The following ABTB2 variants were observed in gnomAD, a reference collection of about 807,000 sequenced individuals.
ABTB2 encodes ankyrin repeat and BTB domain containing 2, also known as ankyrin repeat and BTB/POZ domain-containing protein 2.
In ABTB2, 56 loss-of-function variants were observed where a neutral mutation model predicts 104.1. The ratio of observed to expected loss-of-function variants is 0.54; its 90% CI spans 0.43 to 0.67. The LOEUF (loss-of-function observed/expected upper bound fraction) is 0.67. Ranked by LOEUF, ABTB2 falls within the 30% of genes least tolerant of loss-of-function variation. The pLI, the probability that ABTB2 is intolerant of heterozygous loss-of-function variation, is 0.00. For missense variants in ABTB2, 1,279 were observed against 1,407.7 expected (o/e 0.91, Z 1.46); for synonymous variants, 606 against 608.2 (o/e 1.00, Z 0.05).
intron 1 of ABTB2, among the ~76,000 whole-genome samples, chr11:34,222,953 G>A (rs1160709657): frequency 6.6e-6 from 1 of 152,160 alleles, no homozygotes; most frequent in Non-Finnish European, 1.5e-5. Flanking sequence ...TCTTCTTGCT[G>A]CCCTGGGCAC....
chr11:34,163,040 T>G (rs553267903), intron 9 of ABTB2, among the ~76,000 whole-genome samples: 83 of 152,288 alleles, frequency 5.5e-4, no homozygotes, highest in Non-Finnish European at 7.1e-4. Context: ...ATCCCCGTAT[T>G]GCAGAGAAGC....
intron 1 of ABTB2, among the ~76,000 whole-genome samples, chr11:34,225,593 T>A (rs1853675198): frequency 6.7e-6 from 1 of 150,358 alleles, no homozygotes; most frequent in African/African-American, 2.4e-5. Context: ...CCGTCTCTAC[T>A]AAAAATACAA....
At chr11:34,222,260 G>A (rs1853634129) in intron 1 of ABTB2, among the ~76,000 whole-genome samples, 1 of 152,188 alleles carries the variant, frequency 6.6e-6, no homozygotes, top group Non-Finnish European at 1.5e-5. Flanking sequence ...AAGCCTCCAG[G>A]TAGCAGGCTT....
chr11:34,262,924 C>T (rs748093903), intron 1 of ABTB2, among the ~76,000 whole-genome samples: 20 of 152,058 alleles, frequency 1.3e-4, no homozygotes, highest in South Asian at 8.3e-4. Context: ...GAGAAGGACC[C>T]GGCAAAACAT....
At position 34,290,076 on chromosome 11, in the gene ABTB2, G is replaced by T. The variant is rs567383718; in HGVS notation, c.883+66625C>A. Among the ~76,000 whole-genome samples the T allele has an allele frequency of 6.6e-5, 10 of 152,232 alleles. No homozygotes were observed. In the East Asian group the frequency reaches 1.5e-3, roughly 24 times the overall value. ...CCTAGTCCCTGAAGACATTTGAAAG[G>T]GATTCCTAAATTGCAGCAAATCAGT... is the stretch of plus-strand genomic sequence containing the variant. On this transcript the variant is annotated intron_variant, in intron 1 of 16. Coordinates refer to ENST00000435224, the MANE Select transcript of ABTB2 (RefSeq NM_145804.3).
At chr11:34,290,307 G>A (rs1462219823) in intron 1 of ABTB2, among the ~76,000 whole-genome samples, 3 of 152,188 alleles carry the variant, frequency 2.0e-5, no homozygotes, top group Non-Finnish European at 2.9e-5. Flanking sequence ...TTTACATTGT[G>A]GCCACGGAGC....
intron 8 of ABTB2, 117 bp from the exon 9 acceptor site, chr11:34,164,938 A>G: frequency 7.9e-7 from 1 of 1,267,310 alleles, no homozygotes; most frequent in Non-Finnish European, 1.1e-6. Flanking sequence ...ATAAGTCAGT[A>G]AACCCCACAC....
intron 1 of ABTB2, among the ~76,000 whole-genome samples, chr11:34,278,179 C>A (rs1358846275): frequency 2.7e-5 from 4 of 149,382 alleles, no homozygotes; most frequent in Non-Finnish European, 4.4e-5. Flanking sequence ...GGATATAATA[C>A]AAAAAAACTA....
intron 3 of ABTB2, among the ~76,000 whole-genome samples, chr11:34,191,363 T>A (rs1192202634): frequency 6.6e-6 from 1 of 152,160 alleles, no homozygotes; most frequent in Non-Finnish European, 1.5e-5. Context: ...TGAAATTCTG[T>A]CTAGCCTGAT....
At position 34,303,684 on chromosome 11, in the gene ABTB2, C is replaced by T. The variant is rs562152584; in HGVS notation, c.883+53017G>A. ...TTGAGACAGAGTCTCGCTCTGTAGGCCAGGCTGGAGTGCAGTGGCGTGATC... is the reference window on the plus strand; with the variant it reads ...TTGAGACAGAGTCTCGCTCTGTAGGTCAGGCTGGAGTGCAGTGGCGTGATC... On this transcript the variant is annotated intron_variant, in intron 1 of 16. Coordinates refer to ENST00000435224, the MANE Select transcript of ABTB2 (RefSeq NM_145804.3). Among the ~76,000 whole-genome samples the T allele has an allele frequency of 1.6e-3, 203 of 130,046 alleles. 3 individuals are homozygous for T. Among genetic ancestry groups the T allele is most frequent in the African/African-American group, 5.7e-3 (191 of 33,406 alleles). 85.3% of individuals were successfully genotyped at this position (130,046 alleles called of 152,430 possible). A position where few individuals can be genotyped will look rare whatever the true frequency, so the allele number is the denominator to read the frequency against.
chr11:34,318,285 C>G (rs1854964379), intron 1 of ABTB2, among the ~76,000 whole-genome samples: 1 of 152,024 alleles, frequency 6.6e-6, no homozygotes, highest in Non-Finnish European at 1.5e-5. Flanking sequence ...TTTTTTGGTT[C>G]CTAGTGTCTA....
intron 1 of ABTB2, among the ~76,000 whole-genome samples, chr11:34,343,845 C>A (rs924314451): frequency 1.3e-5 from 2 of 152,098 alleles, no homozygotes; most frequent in South Asian, 2.1e-4. Flanking sequence ...GAAACAACAA[C>A]CCTATCAGCT....
chr11:34,350,285 G>A (rs1047785090), intron 1 of ABTB2, among the ~76,000 whole-genome samples: 3 of 152,020 alleles, frequency 2.0e-5, no homozygotes, highest in African/African-American at 7.2e-5. Flanking sequence ...TCCAGGACAG[G>A]TGCACCAAGC....
chr11:34,283,016 C>T (rs1406693299), intron 1 of ABTB2, among the ~76,000 whole-genome samples: 1 of 151,292 alleles, frequency 6.6e-6, no homozygotes, highest in Non-Finnish European at 1.5e-5. Context: ...TCACGCCATT[C>T]CCCAGCCTCA....
intron 1 of ABTB2, among the ~76,000 whole-genome samples, chr11:34,321,553 CA>C (rs1165966693): frequency 6.6e-6 from 1 of 152,208 alleles, no homozygotes; most frequent in Non-Finnish European, 1.5e-5. Flanking sequence ...GTGGCTTAAA[CA>C]GCCAGGGCGT....
chr11:34,244,735 C>G (rs994005215), intron 1 of ABTB2, among the ~76,000 whole-genome samples: 8 of 152,104 alleles, frequency 5.3e-5, no homozygotes, highest in African/African-American at 1.7e-4. Flanking sequence ...TTCTAGGGTC[C>G]CTTATAAGAT....
At chr11:34,324,356 C>T (rs1855042261) in intron 1 of ABTB2, among the ~76,000 whole-genome samples, 1 of 152,184 alleles carries the variant, frequency 6.6e-6, no homozygotes, top group Admixed American at 6.5e-5. Context: ...ATTCCTGGGC[C>T]CATGATAGGC....
At position 34,240,246 on chromosome 11, in the gene ABTB2, C is replaced by T. The variant is rs928419193; in HGVS notation, c.884-35556G>A. ...AGAATGCCCTCCTTCCCACAGTCAC[C>T]GAAACTTTTCCATTTGATGAACCGT... is the stretch of plus-strand genomic sequence containing the variant. On this transcript the variant is annotated intron_variant, in intron 1 of 16. Transcript: ENST00000435224. Among the ~76,000 whole-genome samples the T allele has an allele frequency of 1.7e-4, 26 of 152,158 alleles. 1 individual carries two copies. The highest frequency in any genetic ancestry group is 1.2e-4 in the Non-Finnish European group (8 of 68,034).
At chr11:34,189,527 G>C (rs1417941338) in intron 3 of ABTB2, among the ~76,000 whole-genome samples, 1 of 152,202 alleles carries the variant, frequency 6.6e-6, no homozygotes, top group African/African-American at 2.4e-5. Context: ...CCTGAGCCCA[G>C]GAGGTCGACG....
Sources: gnomAD v4.1 joint callset for allele counts (sites outside exome capture counted in the v4.1 genomes callset) on GRCh38, gnomAD v4.1.1 for gene constraint, MANE v1.5 for transcripts, NCBI Gene and HGNC (gene_info 2026-07-23, HGNC 2026-07-21) for gene names.